MCM10: variants seen among roughly 807,000 people sequenced by gnomAD.
The protein encoded by MCM10 is protein MCM10 homolog.
Under a neutral mutation model 109.9 loss-of-function variants are expected in MCM10, and 91 were observed. The observed-to-expected ratio is 0.83, with a 90% CI of 0.70 to 0.99. The LOEUF is 0.99. Ranked by LOEUF, MCM10 falls within the 50% of genes least tolerant of loss-of-function variation. The pLI is 0.00. For missense variants in MCM10, 1,077 were observed against 1,061.2 expected (o/e 1.01, Z -0.21); for synonymous variants, 380 against 387.2 (o/e 0.98, Z 0.22).
rs779946297 is a variant in MCM10 at position 13,188,907 on chromosome 10, T to C, written c.1242T>C (p.His414=). 4 of 1,614,190 alleles carry C rather than the reference T, an allele frequency of 2.5e-6. No individual in the cohort carries two copies. The highest frequency in any genetic ancestry group is 3.4e-6 in the Non-Finnish European group (4 of 1,180,014). Residue 414 remains histidine (H), a synonymous_variant, in exon 10 of 20, where the codon CAT becomes CAC. Coordinates refer to ENST00000378714, the MANE Select transcript of MCM10 (RefSeq NM_018518.5). Reference sequence around the variant, plus strand: ...GTGACTGTGAGTACTGTCAGTACCATGTCCAGGCTCAGTACAAGAAGCTCA... The same window carrying C: ...GTGACTGTGAGTACTGTCAGTACCACGTCCAGGCTCAGTACAAGAAGCTCA... The part of the protein sequence containing the change: ...NLRDCEYCQY[H]VQAQYKKLSA...
At chr10:13,166,653 C>CAT (rs1355743693) in intron 2 of MCM10, among the ~76,000 whole-genome samples, 1,545 of 45,486 alleles carry the variant, frequency 0.034, 45 homozygotes, top group African/African-American at 0.071. Flanking sequence ...AAAAAAAATA[C>CAT]ATACATACAT....
intron 9 of MCM10, among the ~76,000 whole-genome samples, chr10:13,186,727 C>A (rs1295799992): frequency 6.6e-6 from 1 of 152,182 alleles, no homozygotes; most frequent in Non-Finnish European, 1.5e-5. Flanking sequence ...TGTGGTGGCT[C>A]ACTCTTGTAA....
chr10:13,190,603 TGAGCCTG>T (rs1564388744), intron 10 of MCM10, among the ~76,000 whole-genome samples: 1 of 152,134 alleles, frequency 6.6e-6, no homozygotes. Flanking sequence ...GAGAATTGCT[TGAGCCTG>T]GGGAAGTTGA....
At chr10:13,176,028 T>A (rs1037215170) in intron 6 of MCM10, among the ~76,000 whole-genome samples, 7 of 152,236 alleles carry the variant, frequency 4.6e-5, no homozygotes, top group Non-Finnish European at 7.3e-5. Context: ...TTAGACTTTT[T>A]AAATACACAG....
chr10:13,207,816 G>C (rs1217935591), intron 18 of MCM10, among the ~76,000 whole-genome samples: 2 of 152,102 alleles, frequency 1.3e-5, no homozygotes, highest in African/African-American at 4.8e-5. Flanking sequence ...AAATTACCCA[G>C]TCTTGGGTAT....
chr10:13,205,048 ATATATT>A (rs1834560843), intron 18 of MCM10, among the ~76,000 whole-genome samples: 10 of 137,914 alleles, frequency 7.3e-5, no homozygotes, highest in South Asian at 4.6e-4. Flanking sequence ...ATATATATAT[ATATATT>A]AATTTGTATA....
chr10:13,172,370 T>C lies in MCM10; in HGVS notation c.350-6T>C. ...GTTCTTAAATTAACATATTTTCATT[T>C]CCTAGAGGAATTAAGGAATTTGCAA... On this transcript the variant is annotated splice_region_variant and splice_polypyrimidine_tract_variant and intron_variant, in intron 3 of 19. Transcript: ENST00000378714. The surrounding 1 kb of genome is among the most constrained non-coding windows in gnomAD (Gnocchi z 5.2). 2 of 1,601,658 alleles carry C rather than the reference T, an allele frequency of 1.2e-6. No homozygotes were observed. The highest frequency in any genetic ancestry group is 1.7e-6 in the Non-Finnish European group (2 of 1,171,140).
At position 13,209,881 on chromosome 10, in the gene MCM10, A is replaced by C. The variant is rs1292186901; in HGVS notation, c.*571A>C. On this transcript the variant is annotated 3_prime_UTR_variant, in exon 20 of 20. Coordinates refer to ENST00000378714, the MANE Select transcript of MCM10 (RefSeq NM_018518.5). ...ATAGTCTTGATGTACGGACATTAAA[A>C]GCCAGATTTCTTCATTCAATTCTGT... The C allele has an allele frequency of 6.5e-6, 1 of 152,820 alleles. No homozygotes were observed. The highest frequency in any genetic ancestry group is 2.4e-5 in the African/African-American group (1 of 41,450). 9.5% of individuals were successfully genotyped at this position (152,820 alleles called of 1,614,324 possible).
At chr10:13,188,534 C>T (rs1834303780) in intron 9 of MCM10, among the ~76,000 whole-genome samples, 1 of 151,822 alleles carries the variant, frequency 6.6e-6, no homozygotes, top group African/African-American at 2.4e-5. Context: ...TAAAAACTTC[C>T]TTTTATATTA....
chr10:13,201,018 A>C (rs1313745572), intron 16 of MCM10, among the ~76,000 whole-genome samples: 2 of 152,144 alleles, frequency 1.3e-5, no homozygotes, highest in Admixed American at 1.3e-4. Context: ...TGTGGCGGGC[A>C]CCTGTAGTCC....
intron 2 of MCM10, among the ~76,000 whole-genome samples, chr10:13,164,821 G>A (rs1011570990): frequency 6.6e-6 from 1 of 152,168 alleles, no homozygotes; most frequent in African/African-American, 2.4e-5. Context: ...CACTTTGGGA[G>A]GCCGGGGTGG....
At chr10:13,162,744 G>C (rs542958771) in intron 1 of MCM10, among the ~76,000 whole-genome samples, 2 of 152,272 alleles carry the variant, frequency 1.3e-5, no homozygotes, top group South Asian at 4.1e-4. Context: ...ATAGCACAGT[G>C]TGTGGCACAT....
intron 17 of MCM10, among the ~76,000 whole-genome samples, chr10:13,202,583 T>G (rs377058221): frequency 4.6e-5 from 7 of 152,176 alleles, no homozygotes; most frequent in African/African-American, 1.7e-4. Flanking sequence ...CCACCAAAAG[T>G]AGGGCTTCCT....
At position 13,204,245 on chromosome 10, in the gene MCM10, G is replaced by A. The variant is rs992011191; in HGVS notation, c.2379G>A (p.Leu793=). The A allele has an allele frequency of 1.2e-6, 2 of 1,614,012 alleles. No individual in the cohort carries two copies. Among genetic ancestry groups the A allele is most frequent in the Non-Finnish European group, 1.7e-6 (2 of 1,180,024 alleles). ...KTCAYTHFKL[L]ETCVSEQHEY... is the part of the protein sequence containing the mutation. The stretch of plus-strand genomic sequence containing the variant: ...GCGCCTATACCCACTTCAAGCTGCT[G>A]GAGACCTGCGTCAGTGAGCAGCATG... The change falls in exon 18 of 20, where the codon CTG becomes CTA. Residue 793 remains leucine (L), a synonymous_variant. Coordinates refer to ENST00000378714, the MANE Select transcript of MCM10 (RefSeq NM_018518.5).
chr10:13,170,835 C>T lies in MCM10; in HGVS notation c.8-87C>T, dbSNP rs890943949. ...TGTACCCATTAGGTAGTTTCTCTTA[C>T]CCCCATGGGGTCATTTAAATTGCCT... On this transcript the variant is annotated intron_variant, in intron 2 of 19. Coordinates refer to ENST00000378714, the MANE Select transcript of MCM10 (RefSeq NM_018518.5). 11 of 1,174,760 alleles carry T rather than the reference C, an allele frequency of 9.4e-6. No individual in the cohort carries two copies. In the Admixed American group the frequency reaches 2.3e-4, roughly 25 times the overall value. The allele number at this position is 1,174,760 out of a possible 1,614,324, so 72.8% of individuals were successfully genotyped here. A position where few individuals can be genotyped will look rare whatever the true frequency, so the allele number is the denominator to read the frequency against.
At chr10:13,180,287 T>C (rs1834193611) in intron 6 of MCM10, among the ~76,000 whole-genome samples, 155 bp from the exon 7 acceptor site, 1 of 151,752 alleles carries the variant, frequency 6.6e-6, no homozygotes, top group Admixed American at 6.6e-5. Flanking sequence ...TTATTTGCTA[T>C]AAAAATGGAT....
chr10:13,169,007 AG>A (rs1273037196), intron 2 of MCM10, among the ~76,000 whole-genome samples: 1 of 152,266 alleles, frequency 6.6e-6, no homozygotes, highest in Non-Finnish European at 1.5e-5. Flanking sequence ...CTGTGCCAAT[AG>A]GAAAAGGCTC....
intron 1 of MCM10, among the ~76,000 whole-genome samples, chr10:13,162,248 G>C (rs974852978): frequency 2.0e-5 from 3 of 152,190 alleles, no homozygotes; most frequent in African/African-American, 7.2e-5. Context: ...GGACGTGGTG[G>C]ATTGTGGAAA....
Position 13,182,880 on chromosome 10 carries a change from G to T in MCM10, c.931-53G>T. ...ATAGTAAAACTCTTGAATCATAAAT[G>T]AGGACGGCATAACCTACAGTTCAAA... On this transcript the variant is annotated intron_variant, in intron 7 of 19. Transcript: ENST00000378714. This position sits in a 1 kb window ranked among gnomAD's most constrained non-coding sequence, Gnocchi z 4.2. 7.2e-7 allele frequency: 1 copy of T among 1,391,916 alleles called. No homozygotes were observed. 86.2% of individuals were successfully genotyped at this position (1,391,916 alleles called of 1,614,324 possible).
Sources: gnomAD v4.1 joint callset for allele counts (sites outside exome capture counted in the v4.1 genomes callset) on GRCh38, gnomAD v4.1.1 for gene constraint, Gnocchi (gnomAD v3.1) non-coding constraint, MANE v1.5 for transcripts, NCBI Gene and HGNC (gene_info 2026-07-23, HGNC 2026-07-21) for gene names.